Variants in THSD4 observed in about 807,000 individuals in gnomAD.
THSD4 encodes the protein thrombospondin type 1 domain containing 4.
THSD4 carries 69 observed loss-of-function variants against 119.0 expected under a neutral mutation model. The observed-to-expected ratio is 0.58, with a 90% confidence interval of 0.48 to 0.71. The LOEUF is 0.71. Among genes scored for constraint, THSD4 ranks in the 30% least tolerant of loss-of-function variants. The probability of loss-of-function intolerance (pLI) is 0.00; values close to 1 mark genes in which losing one functional copy is unlikely to be tolerated. For missense variants in THSD4, 1,393 were observed against 1,391.1 expected, an observed-to-expected ratio of 1.00 and a Z score of -0.02; for synonymous variants, 524 against 540.4, an observed-to-expected ratio of 0.97 and a Z score of 0.42.
At chr15:71,242,621 A>G (rs1261539380) in intron 4 of THSD4, 28 bp from the exon 5 acceptor site, 2 of 1,600,550 alleles carry the variant, frequency 1.2e-6, no homozygotes. Flanking sequence ...GACTCTGATC[A>G]TCTCCTCTCT....
intron 7 of THSD4, among the ~76,000 whole-genome samples, chr15:71,538,145 G>A (rs569833796): frequency 5.5e-4 from 83 of 152,148 alleles, no homozygotes; most frequent in South Asian, 2.7e-3. Context: ...TTTCTTTTGT[G>A]TTTTTGTCTT....
At chr15:71,254,260 G>T (rs1172289700) in intron 5 of THSD4, among the ~76,000 whole-genome samples, 2 of 152,224 alleles carry the variant, frequency 1.3e-5, no homozygotes, top group African/African-American at 4.8e-5. Flanking sequence ...TGGGCCTTCA[G>T]CGCTCTGGGC....
At chr15:71,424,364 A>T (rs2046843721) in intron 7 of THSD4, among the ~76,000 whole-genome samples, 1 of 152,058 alleles carries the variant, frequency 6.6e-6, no homozygotes, top group Non-Finnish European at 1.5e-5. Flanking sequence ...ATTGGGGTTG[A>T]TGTCTACTCC....
intron 7 of THSD4, among the ~76,000 whole-genome samples, chr15:71,598,208 A>C (rs148398746): frequency 6.6e-6 from 1 of 152,300 alleles, no homozygotes; most frequent in Non-Finnish European, 1.5e-5. Context: ...ATTGGTCAGG[A>C]AGATGAGCAA....
intron 6 of THSD4, among the ~76,000 whole-genome samples, chr15:71,294,923 T>A (rs1381692196): frequency 2.2e-5 from 3 of 138,158 alleles, no homozygotes; most frequent in African/African-American, 2.7e-5. Context: ...CTCACAGCTG[T>A]AAAAAAAAAA....
chr15:71,490,847 G>A (rs1025332201), intron 7 of THSD4, among the ~76,000 whole-genome samples: 6 of 152,148 alleles, frequency 3.9e-5, no homozygotes, highest in Non-Finnish European at 5.9e-5. Context: ...GAATATAACC[G>A]TGCCCATTTG....
At chr15:71,731,535 C>G (rs1433417279) in intron 10 of THSD4, 1 of 302,702 alleles carries the variant, frequency 3.3e-6, no homozygotes, top group Non-Finnish European at 6.5e-6. Flanking sequence ...TCCTAGCACT[C>G]TGGGAGGCCG....
intron 7 of THSD4, among the ~76,000 whole-genome samples, chr15:71,645,510 A>G (rs2050951702): frequency 6.6e-6 from 1 of 152,194 alleles, no homozygotes; most frequent in African/African-American, 2.4e-5. Flanking sequence ...GGGTGGGGAC[A>G]TAGCCAAACC....
At chr15:71,242,572 C>A in intron 4 of THSD4, 77 bp from the exon 5 acceptor site, 1 of 1,487,008 alleles carries the variant, frequency 6.7e-7, no homozygotes, top group Non-Finnish European at 9.2e-7. Context: ...GTCCTCTCTA[C>A]CACGGACCAG....
chr15:71,522,589 A>T lies in THSD4; in HGVS notation c.1152+110766A>T, dbSNP rs368928753. Among the ~76,000 whole-genome samples the T allele has an allele frequency of 1.6e-4, 25 of 152,346 alleles. No homozygotes were observed. In the East Asian group the frequency reaches 2.3e-3, roughly 14 times the overall value. ...AGAATTTCATGCTTAAGTGCGACCA[A>T]TTCTGGATGTCATGGTTGTCACCTA... On this transcript the variant is annotated intron_variant, in intron 7 of 17. Transcript: ENST00000261862.
At chr15:71,703,945 G>A (rs560660661) in intron 8 of THSD4, among the ~76,000 whole-genome samples, 1 of 152,254 alleles carries the variant, frequency 6.6e-6, no homozygotes, top group African/African-American at 2.4e-5. Context: ...TGCCTCCCGG[G>A]TTCACGCCAT....
intron 7 of THSD4, among the ~76,000 whole-genome samples, chr15:71,530,670 T>G (rs1313006134): frequency 6.6e-6 from 1 of 152,180 alleles, no homozygotes; most frequent in African/African-American, 2.4e-5. Context: ...AAATATCTCC[T>G]CATCCAGTTT....
intron 7 of THSD4, among the ~76,000 whole-genome samples, chr15:71,579,341 A>G (rs530041190): frequency 2.8e-4 from 43 of 152,304 alleles, no homozygotes; most frequent in African/African-American, 8.4e-4. Flanking sequence ...GAGAGCCAGA[A>G]TGTCCTCCTG....
chr15:71,691,741 T>TGA (rs2052054706), intron 8 of THSD4, among the ~76,000 whole-genome samples: 1 of 152,206 alleles, frequency 6.6e-6, no homozygotes, highest in Admixed American at 6.5e-5. Flanking sequence ...TTTTAGGGTG[T>TGA]GAGAGAGATT....
At chr15:71,438,721 A>G (rs1004186657) in intron 7 of THSD4, among the ~76,000 whole-genome samples, 1 of 152,218 alleles carries the variant, frequency 6.6e-6, no homozygotes, top group African/African-American at 2.4e-5. Flanking sequence ...CTTTTCATAT[A>G]CAAATATTAG....
intron 6 of THSD4, among the ~76,000 whole-genome samples, chr15:71,275,848 G>A (rs1356442377): frequency 6.6e-6 from 1 of 152,150 alleles, no homozygotes; most frequent in African/African-American, 2.4e-5. Flanking sequence ...CGTGTGAGGA[G>A]GGCTGTGTTT....
intron 7 of THSD4, among the ~76,000 whole-genome samples, chr15:71,560,381 C>T (rs941619304): frequency 1.3e-5 from 2 of 152,136 alleles, no homozygotes; most frequent in African/African-American, 2.4e-5. Context: ...CTGTGGAATT[C>T]ATAAAGAGGT....
At chr15:71,248,109 G>A (rs115989201) in intron 5 of THSD4, among the ~76,000 whole-genome samples, 158 of 152,276 alleles carry the variant, frequency 1.0e-3, no homozygotes, top group African/African-American at 3.7e-3. Context: ...GTGAGACCTT[G>A]TCTCTACAAA....
At chr15:71,320,805 CT>C (rs954069412) in intron 6 of THSD4, among the ~76,000 whole-genome samples, 12 of 151,464 alleles carry the variant, frequency 7.9e-5, no homozygotes, top group South Asian at 2.1e-4. Flanking sequence ...CTCCAGACAT[CT>C]TTTTTTTTCA....
Sources: gnomAD v4.1 joint callset for allele counts (sites outside exome capture counted in the v4.1 genomes callset) on GRCh38, gnomAD v4.1.1 for gene constraint, MANE v1.5 for transcripts, NCBI Gene and HGNC (gene_info 2026-07-23, HGNC 2026-07-21) for gene names.